The following IDO2 variants were observed in gnomAD, a reference collection of about 807,000 sequenced individuals.
IDO2 encodes indoleamine 2,3-dioxygenase 2.
Under a neutral mutation model 45.1 loss-of-function variants are expected in IDO2, and 46 were observed. The observed-to-expected ratio is 1.02, with a 90% CI of 0.80 to 1.30. The LOEUF (loss-of-function observed/expected upper bound fraction) is 1.30, where lower values mean the gene tolerates loss of function less well. Among genes scored for constraint, IDO2 ranks in the 50% most tolerant of loss-of-function variants. IDO2 has a pLI of 0.00. For missense variants in IDO2, 544 were observed against 491.8 expected (o/e 1.11, Z -1.00); for synonymous variants, 218 against 184.9 (o/e 1.18, Z -1.45).
chr8:39,973,986 T>C (rs1808221265), intron 3 of IDO2, among the ~76,000 whole-genome samples: 1 of 152,164 alleles, frequency 6.6e-6, no homozygotes, highest in Non-Finnish European at 1.5e-5. Flanking sequence ...GTGATCCACC[T>C]GCCTTGGCCT....
At chr8:39,973,305 A>G (rs1023414718) in intron 3 of IDO2, among the ~76,000 whole-genome samples, 4 of 152,208 alleles carry the variant, frequency 2.6e-5, no homozygotes, top group Non-Finnish European at 5.9e-5. Context: ...GTATTTATAT[A>G]TACACACACA....
intron 3 of IDO2, among the ~76,000 whole-genome samples, chr8:39,968,101 G>T (rs1475839406): frequency 6.8e-6 from 1 of 147,086 alleles, no homozygotes; most frequent in Non-Finnish European, 1.5e-5. Flanking sequence ...AAATCTGGAA[G>T]AAAACAGGAT....
At chr8:39,976,809 GGAAACCCACAAATTAGTATTTCTGTTT>G (rs1808266193) in intron 3 of IDO2, among the ~76,000 whole-genome samples, 1 of 152,040 alleles carries the variant, frequency 6.6e-6, no homozygotes, top group Non-Finnish European at 1.5e-5. Flanking sequence ...CCATTTTGAT[GGAAACCCACAAATTAGTATTTCTGTTT>G]TTAGTCCGAT....
intron 8 of IDO2, chr8:39,995,265 C>CTTCTTCTTCTTCTTCTTCTTCTTCTTCT (rs1563438335): frequency 1.1e-5 from 1 of 89,996 alleles, no homozygotes. Flanking sequence ...CTTCTTCTTC[C>CTTCTTCTTCTTCTTCTTCTTCTTCTTCT]TCTTCTTCTT....
At chr8:39,952,587 A>C (rs1351771254) in intron 2 of IDO2, among the ~76,000 whole-genome samples, 1 of 152,110 alleles carries the variant, frequency 6.6e-6, no homozygotes, top group African/African-American at 2.4e-5. Flanking sequence ...TGCCTCACCA[A>C]CTCATGCAAA....
intron 3 of IDO2, among the ~76,000 whole-genome samples, chr8:39,975,413 T>C (rs1808244691): frequency 6.6e-6 from 1 of 152,148 alleles, no homozygotes; most frequent in Non-Finnish European, 1.5e-5. Flanking sequence ...AGAAGATTTG[T>C]ATCCTGAATA....
chr8:39,991,673 C>T (rs1470021798), intron 8 of IDO2, among the ~76,000 whole-genome samples: 1 of 150,272 alleles, frequency 6.7e-6, no homozygotes, highest in East Asian at 2.0e-4. Context: ...CGGGTTCAAG[C>T]GATTCTCTTG....
chr8:39,975,791 T>A (rs1190455309), intron 3 of IDO2, among the ~76,000 whole-genome samples: 1 of 152,134 alleles, frequency 6.6e-6, no homozygotes, highest in Non-Finnish European at 1.5e-5. Flanking sequence ...TAGGCCTGTG[T>A]ACCCTGAAAG....
intron 8 of IDO2, among the ~76,000 whole-genome samples, chr8:40,004,564 T>C (rs1348158855): frequency 6.6e-6 from 1 of 151,196 alleles, no homozygotes; most frequent in Non-Finnish European, 1.5e-5. Context: ...GATAGATAGA[T>C]AGACGATAGA....
At chr8:40,001,364 C>T (rs1325021571) in intron 8 of IDO2, among the ~76,000 whole-genome samples, 1 of 150,102 alleles carries the variant, frequency 6.7e-6, no homozygotes, top group East Asian at 2.0e-4. Flanking sequence ...ATTCTCCTGC[C>T]TCAGCCTTCA....
chr8:39,942,823 C>G (rs1258756870), intron 1 of IDO2, among the ~76,000 whole-genome samples: 2 of 151,944 alleles, frequency 1.3e-5, no homozygotes, highest in Admixed American at 1.3e-4. Context: ...TGACTCAGTT[C>G]TAATATTTCA....
At chr8:39,991,850 C>T (rs573372858) in intron 8 of IDO2, among the ~76,000 whole-genome samples, 34 of 152,280 alleles carry the variant, frequency 2.2e-4, no homozygotes, top group Non-Finnish European at 3.8e-4. Flanking sequence ...GGATTACAGC[C>T]GTGAGCCACT....
intron 2 of IDO2, among the ~76,000 whole-genome samples, chr8:39,959,263 A>T (rs1563427513): frequency 7.0e-6 from 1 of 143,322 alleles, no homozygotes; most frequent in Admixed American, 7.4e-5. Context: ...GCCCGCCACC[A>T]CGCTGGGCTA....
intron 2 of IDO2, among the ~76,000 whole-genome samples, chr8:39,956,287 C>G (rs904953120): frequency 6.6e-6 from 1 of 152,060 alleles, no homozygotes; most frequent in Non-Finnish European, 1.5e-5. Context: ...ATCTCCAACT[C>G]CTGACCTCAA....
rs896377389 is a variant in IDO2 at position 39,973,485 on chromosome 8, G to C, written c.196-5582G>C. 1.1e-4 allele frequency among the ~76,000 whole-genome samples: 16 copies of C among 152,002 alleles called. No individual in the cohort carries two copies. The East Asian group carries it at 1.5e-3, about 15-fold the overall frequency. ...AGGAAAGGAAACTGTAAGTATGTAA[G>C]AAATACTGTGAAACAATGAAATCAG... is the stretch of plus-strand genomic sequence containing the variant. On this transcript the variant is annotated intron_variant, in intron 3 of 10. Transcript: ENST00000502986.
chr8:39,949,614 A>T (rs777313039), intron 2 of IDO2, among the ~76,000 whole-genome samples: 5 of 152,246 alleles, frequency 3.3e-5, no homozygotes, highest in Non-Finnish European at 5.9e-5. Context: ...ACTTCCAAGT[A>T]CATGAGCTAA....
At chr8:40,011,529 T>C (rs1802311116) in intron 9 of IDO2, among the ~76,000 whole-genome samples, 2 of 152,220 alleles carry the variant, frequency 1.3e-5, no homozygotes, top group Non-Finnish European at 1.5e-5. Context: ...TGGAGCCTAT[T>C]TTATTTTTCA....
exon 2 of IDO2, chr8:39,949,253 C>T (rs1277047011): frequency 6.3e-7 from 1 of 1,590,238 alleles, no homozygotes; most frequent in Non-Finnish European, 8.6e-7. Context: ...CTTTCTTCTT[C>T]CAGATTCTCT....
chr8:40,013,798 T>C (rs1356651411), intron 10 of IDO2, 85 bp downstream of exon 10: 4 of 1,027,772 alleles, frequency 3.9e-6, no homozygotes, highest in Admixed American at 3.3e-5. Context: ...TAAAACCAAA[T>C]ATAAATTAAA....
Sources: gnomAD v4.1 joint callset for allele counts (sites outside exome capture counted in the v4.1 genomes callset) on GRCh38, gnomAD v4.1.1 for gene constraint, MANE v1.5 for transcripts, NCBI Gene and HGNC (gene_info 2026-07-23, HGNC 2026-07-21) for gene names.